CTIF: variants seen among roughly 807,000 people sequenced by gnomAD.
CTIF encodes cap binding complex dependent translation initiation factor, also known as CBP80/20-dependent translation initiation factor.
A neutral mutation model predicts 66.0 loss-of-function variants in CTIF; 21 were observed. That is an observed-to-expected ratio of 0.32 (90% CI 0.23 to 0.46). The LOEUF (loss-of-function observed/expected upper bound fraction) is 0.46, where lower values mean the gene tolerates loss of function less well. CTIF is among the 20% of genes least tolerant of loss of function. The pLI is 1.00. For synonymous variants in CTIF, 345 were observed against 326.4 expected (o/e 1.06, Z -0.62); for missense variants, 739 against 812.7 (o/e 0.91, Z 1.10).
At position 48,556,873 on chromosome 18, in the gene CTIF, G is replaced by A. The variant is rs2089034130; in HGVS notation, c.-29+17561G>A. Among the ~76,000 whole-genome samples, 3 of 152,184 alleles carry A rather than the reference G, an allele frequency of 2.0e-5. No homozygotes were observed. The South Asian group carries it at 6.2e-4, about 32-fold the overall frequency. ...AACCTCCATGTCCAGCCTGCTCACT[G>A]GCATTGTGACCTTAGGAGAGTTAAT... On this transcript the variant is annotated intron_variant, in intron 1 of 11. Coordinates refer to ENST00000256413, the MANE Select transcript of CTIF (RefSeq NM_014772.3).
rs555935756 is a variant in CTIF, at chr18:48,728,514, G to T, written c.584+16819G>T. On this transcript the variant is annotated intron_variant, in intron 7 of 11. Transcript: ENST00000256413. Reference sequence around the variant, plus strand: ...ATATAGCTGGGGAGTTCTGGCTCAGGGTCTCTCGTGAGATTGTGGTCAGGC... The same window carrying T: ...ATATAGCTGGGGAGTTCTGGCTCAGTGTCTCTCGTGAGATTGTGGTCAGGC... Among the ~76,000 whole-genome samples the T allele has an allele frequency of 1.6e-4, 25 of 152,224 alleles. 1 individual carries two copies. In the South Asian group the frequency reaches 5.2e-3, roughly 32 times the overall value.
intron 1 of CTIF, among the ~76,000 whole-genome samples, chr18:48,612,036 C>A (rs564376804): frequency 2.0e-5 from 3 of 152,202 alleles, no homozygotes; most frequent in Non-Finnish European, 4.4e-5. Context: ...AGGTCACATG[C>A]CTTCGACTTC....
chr18:48,623,176 C>T (rs985981622), intron 2 of CTIF, among the ~76,000 whole-genome samples: 1 of 152,242 alleles, frequency 6.6e-6, no homozygotes, highest in African/African-American at 2.4e-5. Context: ...TTCAGACTGA[C>T]GTCTGCTGTG....
At chr18:48,700,225 T>G (rs2092064247) in intron 6 of CTIF, among the ~76,000 whole-genome samples, 1 of 152,260 alleles carries the variant, frequency 6.6e-6, no homozygotes. Context: ...GCTCTCTTTC[T>G]GCTACCATGT....
At chr18:48,853,871 A>T (rs1244045588) in intron 10 of CTIF, among the ~76,000 whole-genome samples, 1 of 152,146 alleles carries the variant, frequency 6.6e-6, no homozygotes, top group East Asian at 1.9e-4. Flanking sequence ...CAGCAACATG[A>T]CCAGTCCCCA....
intron 1 of CTIF, among the ~76,000 whole-genome samples, chr18:48,569,951 T>C (rs2089374396): frequency 6.6e-6 from 1 of 152,258 alleles, no homozygotes; most frequent in Admixed American, 6.5e-5. Context: ...GACATTGGTC[T>C]CCTCAGTTAG....
intron 1 of CTIF, among the ~76,000 whole-genome samples, chr18:48,558,066 CTCTTTTCTTT>C (rs1387909704): frequency 6.6e-6 from 1 of 152,112 alleles, no homozygotes; most frequent in Non-Finnish European, 1.5e-5. Context: ...TTCTTTTCTT[CTCTTTTCTTT>C]TGAGATGGAG....
At chr18:48,758,869 G>A (rs1365522843) in intron 8 of CTIF, among the ~76,000 whole-genome samples, 1 of 152,204 alleles carries the variant, frequency 6.6e-6, no homozygotes, top group African/African-American at 2.4e-5. Context: ...GGGGAGCAGA[G>A]GTGAGTTGTT....
chr18:48,603,912 A>G (rs967446865), intron 1 of CTIF, among the ~76,000 whole-genome samples: 2 of 148,564 alleles, frequency 1.3e-5, no homozygotes, highest in African/African-American at 5.0e-5. Context: ...GCAGAGGCGC[A>G]ATCTTGGCTC....
chr18:48,859,678 G>A lies in CTIF; in HGVS notation c.*119G>A, dbSNP rs1599181355. 3.2e-6 allele frequency: 3 copies of A among 933,514 alleles called. No individual in the cohort carries two copies. The highest frequency in any genetic ancestry group is 2.6e-5 in the East Asian group (1 of 38,844). 57.8% of individuals were successfully genotyped at this position (933,514 alleles called of 1,614,324 possible). ...GGAGAAAGAAATGGGGAGGAGGGCA[G>A]GCAGAGTCGGTGGCCAGTCTGGAGC... On this transcript the variant is annotated 3_prime_UTR_variant, in exon 12 of 12. Transcript: ENST00000256413.
chr18:48,743,964 C>A (rs1275645977), intron 7 of CTIF, among the ~76,000 whole-genome samples: 2 of 152,180 alleles, frequency 1.3e-5, no homozygotes, highest in Non-Finnish European at 1.5e-5. Context: ...GGGGCTAAGT[C>A]TCCTGGTAAG....
At chr18:48,810,483 C>A (rs1241620526) in intron 9 of CTIF, among the ~76,000 whole-genome samples, 1 of 151,998 alleles carries the variant, frequency 6.6e-6, no homozygotes, top group Non-Finnish European at 1.5e-5. Flanking sequence ...AAGCAATTGG[C>A]TATTTTTTAA....
At chr18:48,586,942 G>A (rs765075982) in intron 1 of CTIF, among the ~76,000 whole-genome samples, 1 of 152,158 alleles carries the variant, frequency 6.6e-6, no homozygotes, top group Non-Finnish European at 1.5e-5. Flanking sequence ...TTAGGGCTTA[G>A]TGAGTGGCAC....
chr18:48,552,576 G>T (rs1338752020), intron 1 of CTIF, among the ~76,000 whole-genome samples: 1 of 152,076 alleles, frequency 6.6e-6, no homozygotes, highest in East Asian at 1.9e-4. Flanking sequence ...CGTTCTCTGG[G>T]GTGTCCTTTA....
chr18:48,730,552 C>T lies in CTIF; in HGVS notation c.584+18857C>T, dbSNP rs865889427. Among the ~76,000 whole-genome samples the T allele has an allele frequency of 1.6e-4, 6 of 37,050 alleles. 3 individuals carry two copies. The highest frequency in any genetic ancestry group is 5.0e-4 in the Admixed American group (2 of 4,016). The allele number at this position is 37,050 out of a possible 152,430, so 24.3% of individuals were successfully genotyped here. ...GCCCCTGTGGTGTGAGGGGCTTCTG[C>T]TGTGTGAGGGGCTTCTGCGGTGTGA... On this transcript the variant is annotated intron_variant, in intron 7 of 11. Coordinates refer to ENST00000256413, the MANE Select transcript of CTIF (RefSeq NM_014772.3).
At chr18:48,702,675 TA>T (rs2092099368) in intron 6 of CTIF, among the ~76,000 whole-genome samples, 1 of 152,202 alleles carries the variant, frequency 6.6e-6, no homozygotes, top group African/African-American at 2.4e-5. Context: ...GTATTGTTTT[TA>T]AAAGGATCTC....
chr18:48,624,304 C>T (rs145300861), intron 2 of CTIF, among the ~76,000 whole-genome samples: 396 of 152,250 alleles, frequency 2.6e-3, no homozygotes, highest in African/African-American at 9.1e-3. Context: ...AACTGAGGCA[C>T]AGAAATGGAG....
At chr18:48,801,737 A>G (rs970676739) in intron 9 of CTIF, among the ~76,000 whole-genome samples, 1 of 152,232 alleles carries the variant, frequency 6.6e-6, no homozygotes, top group African/African-American at 2.4e-5. Flanking sequence ...GGGTTTCAAA[A>G]GTCATTTCTT....
chr18:48,798,858 G>A (rs2067988035), intron 9 of CTIF, among the ~76,000 whole-genome samples: 1 of 152,194 alleles, frequency 6.6e-6, no homozygotes, highest in African/African-American at 2.4e-5. Flanking sequence ...GGTGAGGATA[G>A]GGGCTTCTAG....
Sources: allele counts gnomAD v4.1 joint callset (sites outside exome capture counted in the v4.1 genomes callset), GRCh38; gene constraint gnomAD v4.1.1; transcripts MANE v1.5; gene names NCBI Gene and HGNC (gene_info 2026-07-23, HGNC 2026-07-21).